CNGB1: variants seen among roughly 807,000 people sequenced by gnomAD.
CNGB1 encodes the protein cyclic nucleotide-gated channel beta-1.
A neutral mutation model predicts 151.7 loss-of-function variants in CNGB1; 126 were observed. That is an observed-to-expected ratio of 0.83 (90% confidence interval 0.72 to 0.96). The LOEUF is 0.96. Among genes scored for constraint, CNGB1 ranks in the 40% least tolerant of loss-of-function variants. The probability of loss-of-function intolerance (pLI) is 0.00; values close to 1 mark genes in which losing one functional copy is unlikely to be tolerated. For missense variants in CNGB1, 1,698 were observed against 1,627.0 expected (o/e 1.04, Z -0.75); for synonymous variants, 623 against 635.1 (o/e 0.98, Z 0.29).
chr16:57,901,179 G>A (rs1421949225), intron 29 of CNGB1, among the ~76,000 whole-genome samples, 173 bp downstream of exon 29: 3 of 152,070 alleles, frequency 2.0e-5, no homozygotes, highest in Admixed American at 1.3e-4. Flanking sequence ...CTCCTAATCC[G>A]CTCCTGCTCT....
intron 32 of CNGB1, among the ~76,000 whole-genome samples, chr16:57,885,587 T>TC: frequency 1.9e-5 from 2 of 102,570 alleles, no homozygotes; most frequent in Non-Finnish European, 2.1e-5. Flanking sequence ...TCTTTCTTTC[T>TC]TTCTTTCTTT....
In CNGB1 at chr16:57,911,875, C is replaced by T; in HGVS notation, c.2370G>A (p.Arg790=). 1 of 1,613,380 alleles carries T rather than the reference C, an allele frequency of 6.2e-7. No homozygotes were observed. The highest frequency in any genetic ancestry group is 8.5e-7 in the Non-Finnish European group (1 of 1,179,606). Residue 790 remains arginine (R), a splice_region_variant and synonymous_variant, in exon 25 of 33, where the codon AGG becomes AGA. Coordinates refer to ENST00000251102, the MANE Select transcript of CNGB1 (RefSeq NM_001297.5). ...ESILSKAYVY[R]VIRTTAYLLY... is the part of the protein sequence containing the mutation. ...GAAGGTAGGCTGTGGTCCTGATGAC[C>T]CTGCAGAAGGAACACAGCGCATGAA...
rs547264205 is a variant in CNGB1 at position 57,963,090 on chromosome 16, G to A, written c.291-26C>T. ...CTGCGATGGACAGAGACACCAGCCC[G>A]CCCTCAACTTCCCCTAGCTCAATGA... On this transcript the variant is annotated intron_variant, in intron 4 of 32. Transcript: ENST00000251102. 1.0e-4 allele frequency: 156 copies of A among 1,559,594 alleles called. 2 individuals are homozygous for A. In the South Asian group the frequency reaches 1.3e-3, roughly 13 times the overall value.
intron 17 of CNGB1, among the ~76,000 whole-genome samples, chr16:57,930,704 G>A (rs1464943925): frequency 3.3e-5 from 5 of 152,270 alleles, no homozygotes; most frequent in African/African-American, 1.2e-4. Flanking sequence ...ATGCTACAAT[G>A]TGGATGAATC....
intron 17 of CNGB1, among the ~76,000 whole-genome samples, chr16:57,930,903 T>C (rs1596989224): frequency 6.6e-6 from 1 of 152,070 alleles, no homozygotes; most frequent in South Asian, 2.1e-4. Context: ...TCAATGAGTA[T>C]AGAGCTTCAG....
intron 29 of CNGB1, 93 bp downstream of exon 29, chr16:57,901,259 C>T (rs1239585640): frequency 4.7e-5 from 57 of 1,217,258 alleles, no homozygotes; most frequent in East Asian, 9.3e-5. Flanking sequence ...TCTCGCTCTG[C>T]CCTGGGCTGG....
At chr16:57,962,696 CTCAGCTCAACCCCAGGTTCAAAGCAGGG>C in intron 6 of CNGB1, 86 bp from the exon 7 acceptor site, 1 of 1,563,602 alleles carries the variant, frequency 6.4e-7, no homozygotes, top group Non-Finnish European at 8.8e-7. Flanking sequence ...GCACCGAGAG[CTCAGCTCAACCCCAGGTTCAAAGCAGGG>C]TCAGTCAGGT....
At chr16:57,950,692 A>G in intron 12 of CNGB1, 152 bp from the exon 13 acceptor site, 2 of 754,460 alleles carry the variant, frequency 2.7e-6, no homozygotes, top group Non-Finnish European at 4.5e-6. Flanking sequence ...TTCCATTTTC[A>G]GCGGGACCAG....
At chr16:57,907,269 C>T (rs1960579848) in intron 25 of CNGB1, among the ~76,000 whole-genome samples, 1 of 152,216 alleles carries the variant, frequency 6.6e-6, no homozygotes, top group Non-Finnish European at 1.5e-5. Flanking sequence ...ATGTGCCAGG[C>T]TTAGCCCCAG....
At chr16:57,967,812 T>A (rs1327679400) in intron 1 of CNGB1, among the ~76,000 whole-genome samples, 1 of 152,116 alleles carries the variant, frequency 6.6e-6, no homozygotes, top group Non-Finnish European at 1.5e-5. Flanking sequence ...ATTATATCTC[T>A]AGGTATTTAC....
rs111261915 is a variant in CNGB1, at chr16:57,932,723, G to A, written c.1373-845C>T. Among the ~76,000 whole-genome samples, 1,209 of 151,980 alleles carry A rather than the reference G, an allele frequency of 8.0e-3. 16 individuals carry two copies. Among genetic ancestry groups the A allele is most frequent in the South Asian group, 0.048 (233 of 4,830 alleles). The stretch of plus-strand genomic sequence containing the variant: ...AGCCTCCCAATTAGCTGCGAATACA[G>A]GCACCTGCCACCACGCCCGGCTAAT... On this transcript the variant is annotated intron_variant, in intron 16 of 32. Coordinates refer to ENST00000251102, the MANE Select transcript of CNGB1 (RefSeq NM_001297.5).
At position 57,920,555 on chromosome 16, in the gene CNGB1, A is replaced by T. The variant is rs544299281; in HGVS notation, c.1644-11T>A. ...GCACGGTCCTGGCCACTGTGGGAAC[A>T]TCACCCAAAGCTGAGCAGGCTGAGC... On this transcript the variant is annotated splice_polypyrimidine_tract_variant and intron_variant, in intron 18 of 32. Coordinates refer to ENST00000251102, the MANE Select transcript of CNGB1 (RefSeq NM_001297.5). The T allele has an allele frequency of 6.2e-7, 1 of 1,611,376 alleles. No individual in the cohort carries two copies. Among genetic ancestry groups the T allele is most frequent in the South Asian group, 1.1e-5 (1 of 91,046 alleles).
In CNGB1 at chr16:57,903,951, C is replaced by T. The variant is rs1330639102; in HGVS notation, c.2665G>A (p.Gly889Arg). The change falls in exon 27 of 33, where the codon GGA becomes AGA. Residue 889 changes from glycine (G) to arginine (R), a missense_variant. Transcript: ENST00000251102. Reference sequence around the variant, plus strand: ...ATGCAGCTGCGGTAGTAGGTCTGTCCGGCGGTGGCGGCCCCTACCACATCT... The same window carrying T: ...ATGCAGCTGCGGTAGTAGGTCTGTCTGGCGGTGGCGGCCCCTACCACATCT... ...MRDVVGAATAGQTYYRSCMDS... is the reference protein window; with the variant it reads ...MRDVVGAATARQTYYRSCMDS... 9.3e-6 allele frequency: 15 copies of T among 1,613,836 alleles called. No homozygotes were observed. Among genetic ancestry groups the T allele is most frequent in the African/African-American group, 2.7e-5 (2 of 74,926 alleles).
intron 12 of CNGB1, among the ~76,000 whole-genome samples, chr16:57,952,975 C>T (rs531923083): frequency 8.3e-4 from 127 of 152,332 alleles, no homozygotes; most frequent in Admixed American, 2.7e-3. Flanking sequence ...CCCCAGGAGG[C>T]GTGGTGCAGG....
At chr16:57,941,542 T>C (rs1174694443) in intron 14 of CNGB1, among the ~76,000 whole-genome samples, 1 of 152,124 alleles carries the variant, frequency 6.6e-6, no homozygotes, top group Non-Finnish European at 1.5e-5. Flanking sequence ...TCTCCCCAGA[T>C]CCTCCTCCAA....
In CNGB1 at chr16:57,901,366, A is replaced by G. The variant is rs1244449224; in HGVS notation, c.2962T>C (p.Tyr988His). The part of the protein sequence containing the change: ...LRSVVYLPND[Y>H]VCKKGEIGRE... Reference sequence around the variant, plus strand: ...GGCCAGCTCACCTTCTTGCACACATAGTCGTTGGGCAGGTAGACAACAGAG... The same window carrying G: ...GGCCAGCTCACCTTCTTGCACACATGGTCGTTGGGCAGGTAGACAACAGAG... The change falls in exon 29 of 33, where the codon TAT becomes CAT. Residue 988 changes from tyrosine to histidine, a missense_variant. Tyr to His is a moderately conservative substitution (Grantham distance 83). Transcript: ENST00000251102. 6.2e-7 allele frequency: 1 copy of G among 1,614,080 alleles called. No individual in the cohort carries two copies. The highest frequency in any genetic ancestry group is 1.7e-5 in the Admixed American group (1 of 60,024).
At chr16:57,917,650 A>ACG (rs1491129704) in intron 20 of CNGB1, among the ~76,000 whole-genome samples, 174 bp from the exon 21 acceptor site, 17 of 150,750 alleles carry the variant, frequency 1.1e-4, no homozygotes, top group Non-Finnish European at 1.8e-4. Context: ...ACACACACAC[A>ACG]TACACACACA....
chr16:57,948,602 G>A (rs1325727780), intron 14 of CNGB1, among the ~76,000 whole-genome samples: 4 of 151,696 alleles, frequency 2.6e-5, no homozygotes, highest in Non-Finnish European at 4.4e-5. Context: ...ATCCACACTC[G>A]CTCCCTGGGC....
chr16:57,936,585 G>A (rs1961514210), intron 16 of CNGB1, among the ~76,000 whole-genome samples: 1 of 152,124 alleles, frequency 6.6e-6, no homozygotes, highest in Admixed American at 6.6e-5. Context: ...TTGATATCAG[G>A]AGTTTGAGAC....
Sources: gnomAD v4.1 joint callset for allele counts (sites outside exome capture counted in the v4.1 genomes callset) on GRCh38, gnomAD v4.1.1 for gene constraint, MANE v1.5 for transcripts, NCBI Gene and HGNC (gene_info 2026-07-23, HGNC 2026-07-21) for gene names.